The following TYW1 variants were observed in gnomAD, a reference collection of about 807,000 sequenced individuals.
TYW1 encodes S-adenosyl-L-methionine-dependent tRNA 4-demethylwyosine synthase TYW1.
In TYW1, 46 loss-of-function variants were observed where a neutral mutation model predicts 96.2. That is an observed-to-expected ratio of 0.48 (90% CI 0.38 to 0.61). TYW1 has a LOEUF of 0.61. Ranked by LOEUF, TYW1 falls within the 20% of genes least tolerant of loss-of-function variation. The pLI is 0.00. For synonymous variants in TYW1, 274 were observed against 323.0 expected, an observed-to-expected ratio of 0.85 and a Z score of 1.63; for missense variants, 684 against 909.6, an observed-to-expected ratio of 0.75 and a Z score of 3.19.
At chr7:67,031,009 T>C (rs1232109902) in intron 7 of TYW1, among the ~76,000 whole-genome samples, 1 of 147,948 alleles carries the variant, frequency 6.8e-6, no homozygotes, top group Non-Finnish European at 1.5e-5. Context: ...AAGACCAACC[T>C]GGCCAACATG....
chr7:67,189,127 A>C (rs1157170280), intron 14 of TYW1, among the ~76,000 whole-genome samples: 3 of 152,168 alleles, frequency 2.0e-5, no homozygotes, highest in Non-Finnish European at 4.4e-5. Flanking sequence ...CCCTGTGTGC[A>C]GTTTCTCTTT....
intron 15 of TYW1, among the ~76,000 whole-genome samples, chr7:67,220,175 A>G (rs1330550754): frequency 3.6e-5 from 5 of 140,302 alleles, no homozygotes; most frequent in Admixed American, 7.0e-5. Context: ...CAAATTTGTG[A>G]ATTTTTTAGT....
In TYW1 at chr7:67,239,045, T is replaced by C; in HGVS notation, c.*516T>C. The C allele has an allele frequency of 5.1e-6, 5 of 988,138 alleles. No homozygotes were observed. The highest frequency in any genetic ancestry group is 6.0e-6 in the Non-Finnish European group (5 of 831,386). The allele number at this position is 988,138 out of a possible 1,614,324, so 61.2% of individuals were successfully genotyped here. On this transcript the variant is annotated 3_prime_UTR_variant, in exon 16 of 16. Coordinates refer to ENST00000359626, the MANE Select transcript of TYW1 (RefSeq NM_018264.4). ...CACCTCCTGAAAAGAATCGAAGTTG[T>C]CACAACTCTCAATTATTTTTTAAAT...
chr7:67,104,309 CA>C (rs1797173946), intron 12 of TYW1, among the ~76,000 whole-genome samples: 1 of 152,100 alleles, frequency 6.6e-6, no homozygotes, highest in Admixed American at 6.5e-5. Context: ...GGAAGCACGG[CA>C]GGGGAGGCCT....
chr7:67,153,329 A>C (rs9692120), intron 13 of TYW1, among the ~76,000 whole-genome samples: 2 of 151,956 alleles, frequency 1.3e-5, no homozygotes, highest in African/African-American at 4.8e-5. Flanking sequence ...TGTGGTGCAC[A>C]TCTATAATCC....
chr7:67,202,521 C>T (rs1050688894), intron 15 of TYW1, among the ~76,000 whole-genome samples: 2 of 152,100 alleles, frequency 1.3e-5, no homozygotes, highest in Non-Finnish European at 2.9e-5. Flanking sequence ...TTAAGCCTCT[C>T]GAGTAGCTGG....
At position 67,233,953 on chromosome 7, in the gene TYW1, G is replaced by A. The variant is rs1172437117; in HGVS notation, c.1978-4355G>A. Among the ~76,000 whole-genome samples, 15 of 135,484 alleles carry A rather than the reference G, an allele frequency of 1.1e-4. 3 individuals carry two copies. The highest frequency in any genetic ancestry group is 7.4e-4 in the South Asian group (3 of 4,038). The allele number at this position is 135,484 out of a possible 152,430, so 88.9% of individuals were successfully genotyped here. A position where few individuals can be genotyped will look rare whatever the true frequency, so the allele number is the denominator to read the frequency against. On this transcript the variant is annotated intron_variant, in intron 15 of 15. Coordinates refer to ENST00000359626, the MANE Select transcript of TYW1 (RefSeq NM_018264.4). ...TCATAGGTTGAGGTCCTAACTCCCA[G>A]CGTGGCTATATTTGGAGATGGGGTT...
Position 67,101,650 on chromosome 7 carries a change from G to T in TYW1, c.1562+2932G>T, listed in dbSNP as rs541595259. Reference sequence around the variant, plus strand: ...CCTGCCTCAGTCTCCCCAGTAGCTGGGACTACAGGCGCACACCACCACACC... The same window carrying T: ...CCTGCCTCAGTCTCCCCAGTAGCTGTGACTACAGGCGCACACCACCACACC... On this transcript the variant is annotated intron_variant, in intron 12 of 15. Transcript: ENST00000359626. Among the ~76,000 whole-genome samples, 182 of 152,016 alleles carry T rather than the reference G, an allele frequency of 1.2e-3. 1 individual carries two copies. Among genetic ancestry groups the T allele is most frequent in the African/African-American group, 4.4e-3 (182 of 41,478 alleles).
rs567892594 is a variant in TYW1 at position 67,098,702 on chromosome 7, T to G, written c.1546T>G (p.Phe516Val). The G allele has an allele frequency of 1.2e-6, 2 of 1,613,860 alleles. No homozygotes were observed. Among genetic ancestry groups the G allele is most frequent in the Non-Finnish European group, 1.7e-6 (2 of 1,179,844 alleles). The change falls in exon 12 of 16, where the codon TTT becomes GTT. Residue 516 changes from phenylalanine (F) to valine (V), a missense_variant. Coordinates refer to ENST00000359626, the MANE Select transcript of TYW1 (RefSeq NM_018264.4). ...CAGCTTCCTGGTCACAAACGCACAA[T>G]TTCCTGCGGAAATCAGGTGAGTTCT... The part of the protein sequence containing the change: ...ISSFLVTNAQ[F>V]PAEIRNLEPV...
At chr7:67,093,703 C>G (rs1796794274) in intron 11 of TYW1, among the ~76,000 whole-genome samples, 2 of 152,036 alleles carry the variant, frequency 1.3e-5, no homozygotes. Context: ...AATTATTCAT[C>G]CATCCAAAAA....
chr7:67,011,805 G>T lies in TYW1; in HGVS notation c.375+2121G>T, dbSNP rs185720014. Among the ~76,000 whole-genome samples, 19 of 151,784 alleles carry T rather than the reference G, an allele frequency of 1.3e-4. No homozygotes were observed. The East Asian group carries it at 3.7e-3, about 30-fold the overall frequency. ...GGAGAATTGCTTGAACCTGGGAGGC[G>T]GAGGTCGCAGTGAGCCAAGATCGTG... On this transcript the variant is annotated intron_variant, in intron 4 of 15. Transcript: ENST00000359626.
At chr7:67,186,789 G>A (rs1250840975) in intron 14 of TYW1, among the ~76,000 whole-genome samples, 4 of 152,046 alleles carry the variant, frequency 2.6e-5, no homozygotes, top group Non-Finnish European at 2.9e-5. Flanking sequence ...CACTGCAGCC[G>A]GCCTAGCTAA....
chr7:67,135,120 AGAATGGATGAAT>A, intron 13 of TYW1, among the ~76,000 whole-genome samples: 1 of 152,038 alleles, frequency 6.6e-6, no homozygotes, highest in East Asian at 1.9e-4. Flanking sequence ...CACCCTGTCT[AGAATGGATGAAT>A]GAATCAATGA....
intron 15 of TYW1, among the ~76,000 whole-genome samples, chr7:67,200,582 G>GTGGGAATTACGGGAC (rs1292214313): frequency 1.3e-5 from 2 of 151,988 alleles, no homozygotes; most frequent in Non-Finnish European, 2.9e-5. Flanking sequence ...CCCACAATAC[G>GTGGGAATTACGGGAC]TGGGAATTAC....
intron 15 of TYW1, among the ~76,000 whole-genome samples, chr7:67,221,063 T>C (rs1490715507): frequency 1.3e-5 from 2 of 152,220 alleles, no homozygotes; most frequent in Admixed American, 1.3e-4. Context: ...TCTCTGGTTG[T>C]TGTATCTATG....
At chr7:67,029,408 T>TACATATATATATATATAC (rs1381722152) in intron 7 of TYW1, among the ~76,000 whole-genome samples, 1 of 135,042 alleles carries the variant, frequency 7.4e-6, no homozygotes, top group Non-Finnish European at 1.6e-5. Flanking sequence ...TGTGTGTGTG[T>TACATATATATATATATAC]GTGTGTGTAT....
At chr7:67,149,729 T>C (rs1044322924) in intron 13 of TYW1, among the ~76,000 whole-genome samples, 4 of 127,256 alleles carry the variant, frequency 3.1e-5, no homozygotes, top group Non-Finnish European at 6.8e-5. Flanking sequence ...AAAATATCTA[T>C]CTATCTATCT....
At chr7:67,191,444 G>A (rs1472467732) in intron 14 of TYW1, among the ~76,000 whole-genome samples, 3 of 152,018 alleles carry the variant, frequency 2.0e-5, no homozygotes, top group Non-Finnish European at 4.4e-5. Flanking sequence ...TCTGGTGTGA[G>A]TGACTTGGCT....
intron 13 of TYW1, among the ~76,000 whole-genome samples, chr7:67,127,040 GT>G (rs1797932363): frequency 6.7e-6 from 1 of 149,124 alleles, no homozygotes; most frequent in Admixed American, 6.7e-5. Flanking sequence ...TTCACTTGTT[GT>G]TTTTTTAGTG....
Sources: gnomAD v4.1 joint callset for allele counts (sites outside exome capture counted in the v4.1 genomes callset) on GRCh38, gnomAD v4.1.1 for gene constraint, MANE v1.5 for transcripts, NCBI Gene and HGNC (gene_info 2026-07-23, HGNC 2026-07-21) for gene names.